Variants in PLCG2 observed in about 807,000 individuals in gnomAD.
PLCG2 encodes the protein 1-phosphatidylinositol 4,5-bisphosphate phosphodiesterase gamma-2.
A neutral mutation model predicts 175.6 loss-of-function variants in PLCG2; 69 were observed. The observed-to-expected ratio is 0.39, with a 90% confidence interval of 0.32 to 0.48. The LOEUF (loss-of-function observed/expected upper bound fraction) is 0.48. PLCG2 is among the 20% of genes least tolerant of loss of function. The probability of loss-of-function intolerance (pLI) is 0.91; values close to 1 mark genes in which losing one functional copy is unlikely to be tolerated. For synonymous variants in PLCG2, 827 were observed against 624.0 expected, an observed-to-expected ratio of 1.33 and a Z score of -4.85; for missense variants, 1,798 against 1,650.9, an observed-to-expected ratio of 1.09 and a Z score of -1.54.
In PLCG2 at chr16:81,959,682, C is replaced by T. The variant is rs78025342; in HGVS notation, c.*1684C>T. The T allele has an allele frequency of 5.4e-6, 1 of 185,590 alleles. No individual in the cohort carries two copies. The highest frequency in any genetic ancestry group is 2.3e-5 in the African/African-American group (1 of 42,666). The allele number at this position is 185,590 out of a possible 1,614,324, so 11.5% of individuals were successfully genotyped here. A position where few individuals can be genotyped will look rare whatever the true frequency, so the allele number is the denominator to read the frequency against. On this transcript the variant is annotated 3_prime_UTR_variant, in exon 33 of 33. Transcript: ENST00000564138. Reference sequence around the variant, plus strand: ...TCCTCTTAGTGGCAGATGTTCAAAGCAACTTTCAAGAAAGGCTAGGTGAGA... The same window carrying T: ...TCCTCTTAGTGGCAGATGTTCAAAGTAACTTTCAAGAAAGGCTAGGTGAGA...
At chr16:81,843,285 T>C (rs1168945618) in intron 2 of PLCG2, among the ~76,000 whole-genome samples, 1 of 152,204 alleles carries the variant, frequency 6.6e-6, no homozygotes, top group Non-Finnish European at 1.5e-5. Flanking sequence ...TAGTAGTGCC[T>C]GTTGTCAGCA....
At chr16:81,864,961 C>G (rs377459241) in intron 5 of PLCG2, among the ~76,000 whole-genome samples, 1 of 152,118 alleles carries the variant, frequency 6.6e-6, no homozygotes, top group East Asian at 1.9e-4. Flanking sequence ...TAACCCACAG[C>G]CCTAGGTTGA....
chr16:81,860,516 C>G lies in PLCG2; in HGVS notation c.479+1353C>G, dbSNP rs113403496. Among the ~76,000 whole-genome samples the G allele has an allele frequency of 1.3e-4, 20 of 152,222 alleles. 1 individual carries two copies. Among genetic ancestry groups the G allele is most frequent in the Admixed American group, 5.9e-4 (9 of 15,286 alleles). On this transcript the variant is annotated intron_variant, in intron 5 of 32. Coordinates refer to ENST00000564138, the MANE Select transcript of PLCG2 (RefSeq NM_002661.5). ...CCAGTGGGGCAAGAGGGCACCCTTTCCTGATGATTTATTGTGCCATTAGAC... is the reference window on the plus strand; with the variant it reads ...CCAGTGGGGCAAGAGGGCACCCTTTGCTGATGATTTATTGTGCCATTAGAC...
rs530326989 is a variant in PLCG2, at chr16:81,943,653, T to G, written c.3482-2522T>G. On this transcript the variant is annotated intron_variant, in intron 30 of 32. Coordinates refer to ENST00000564138, the MANE Select transcript of PLCG2 (RefSeq NM_002661.5). The stretch of plus-strand genomic sequence containing the variant: ...CAGACTTCCCAAGTCAGAATCTGCA[T>G]TTTAACAAGATTCACAGGTGATTCA... Among the ~76,000 whole-genome samples the G allele has an allele frequency of 1.9e-3, 297 of 152,320 alleles. 2 individuals carry two copies. The highest frequency in any genetic ancestry group is 3.2e-3 in the Non-Finnish European group (216 of 68,026).
chr16:81,805,767 G>GTTTTTTTTTTTTTT (rs766609754), intron 2 of PLCG2, among the ~76,000 whole-genome samples: 13 of 39,500 alleles, frequency 3.3e-4, no homozygotes, highest in African/African-American at 7.3e-4. Context: ...GTTTTGTTTT[G>GTTTTTTTTTTTTTT]TTTTTTTTTT....
At chr16:81,779,493 C>A (rs1163064670) in intron 1 of PLCG2, 69 bp downstream of exon 1, 1 of 151,876 alleles carries the variant, frequency 6.6e-6, no homozygotes, top group South Asian at 2.1e-4. Context: ...GGACCGGCTC[C>A]CAGGGCGCTG....
rs775933224 is a variant in PLCG2 at position 81,883,350 on chromosome 16, A to C, written c.765+9A>C. ...TCATACATGAACAGCAGGTGAGAGC[A>C]CAAGGTGTGTGGGTGCCTGAGGGAG... On this transcript the variant is annotated intron_variant, in intron 9 of 32. Transcript: ENST00000564138. The C allele has an allele frequency of 1.9e-6, 3 of 1,612,294 alleles. No homozygotes were observed. In the African/African-American group the frequency reaches 4.0e-5, roughly 22 times the overall value.
intron 2 of PLCG2, among the ~76,000 whole-genome samples, chr16:81,769,600 G>C (rs1910229052): frequency 6.6e-6 from 1 of 151,864 alleles, no homozygotes; most frequent in African/African-American, 2.4e-5. Context: ...GGATCACGAG[G>C]TCAGGAGATC....
intron 1 of PLCG2, among the ~76,000 whole-genome samples, chr16:81,744,104 C>T (rs189933733): frequency 4.2e-4 from 64 of 151,730 alleles, no homozygotes; most frequent in Non-Finnish European, 7.7e-4. Flanking sequence ...GTAATCCACC[C>T]GCCTCGGCCT....
At chr16:81,900,885 C>A in intron 14 of PLCG2, 105 bp downstream of exon 14, 1 of 992,190 alleles carries the variant, frequency 1.0e-6, no homozygotes, top group Non-Finnish European at 1.5e-6. Context: ...GGGCCTGCTC[C>A]AGGTCCCACT....
intron 9 of PLCG2, among the ~76,000 whole-genome samples, chr16:81,885,013 G>A (rs1167286353): frequency 6.6e-6 from 1 of 150,720 alleles, no homozygotes; most frequent in African/African-American, 2.4e-5. Context: ...TCAGCCTCCC[G>A]AATAGCTGGG....
At position 81,828,235 on chromosome 16, in the gene PLCG2, ATTTTTTTT is replaced by A. The variant is rs67992648; in HGVS notation, c.194-26188_194-26181del. ...CTGTTCCAGACTGTTGAGAAATGTC[ATTTTTTTT>A]TTTTTTTTTTTTTTTTTTTTGAGAC... On this transcript the variant is annotated intron_variant, in intron 2 of 32. Transcript: ENST00000564138. Among the ~76,000 whole-genome samples, 191 of 59,404 alleles carry A rather than the reference ATTTTTTTT, an allele frequency of 3.2e-3. 3 individuals are homozygous for A. In the East Asian group the frequency reaches 0.065, roughly 20 times the overall value. The allele number at this position is 59,404 out of a possible 152,430, so 39.0% of individuals were successfully genotyped here.
rs756421473 is a variant in PLCG2 at position 81,912,603 on chromosome 16, C to T, written c.1941C>T (p.Tyr647=). 1.2e-6 allele frequency: 2 copies of T among 1,613,026 alleles called. No homozygotes were observed. Among genetic ancestry groups the T allele is most frequent in the South Asian group, 2.2e-5 (2 of 90,626 alleles). The change falls in exon 19 of 33, where the codon TAC becomes TAT. Residue 647 remains tyrosine, a synonymous_variant. Coordinates refer to ENST00000564138, the MANE Select transcript of PLCG2 (RefSeq NM_002661.5). ...NPNPHESKPW[Y]YDSLSRGEAE... The stretch of plus-strand genomic sequence containing the variant: ...CCCTGGCCCTGTGCCGCAGGTGGTA[C>T]TATGACAGCCTGAGCCGCGGAGAGG...
intron 2 of PLCG2, among the ~76,000 whole-genome samples, chr16:81,756,831 C>A (rs1048792269): frequency 8.5e-5 from 13 of 152,188 alleles, no homozygotes; most frequent in African/African-American, 3.1e-4. Context: ...GCTGCCTTAT[C>A]CTGCTTCTTC....
intron 1 of PLCG2, among the ~76,000 whole-genome samples, chr16:81,780,932 C>T (rs1910700304): frequency 6.6e-6 from 1 of 152,174 alleles, no homozygotes; most frequent in South Asian, 2.1e-4. Context: ...GAGGCTGAGG[C>T]AGGAGAATCA....
intron 1 of PLCG2, among the ~76,000 whole-genome samples, chr16:81,741,229 T>G (rs1909587304): frequency 6.6e-6 from 1 of 152,208 alleles, no homozygotes; most frequent in Admixed American, 6.5e-5. Flanking sequence ...AAATACCTGC[T>G]GTGTGCCAGG....
Position 81,904,655 on chromosome 16 carries a change from T to G in PLCG2, c.1363-748T>G, listed in dbSNP as rs113898194. On this transcript the variant is annotated intron_variant, in intron 14 of 32. Coordinates refer to ENST00000564138, the MANE Select transcript of PLCG2 (RefSeq NM_002661.5). ...TAGAGAAGGCTGGGCACAGGTGGTGTTGTTGTTTATTCACCGAGTATCAAC... is the reference window on the plus strand; with the variant it reads ...TAGAGAAGGCTGGGCACAGGTGGTGGTGTTGTTTATTCACCGAGTATCAAC... Among the ~76,000 whole-genome samples the G allele has an allele frequency of 4.7e-3, 719 of 152,218 alleles. 6 individuals carry two copies. Among genetic ancestry groups the G allele is most frequent in the African/African-American group, 0.015 (628 of 41,484 alleles).
chr16:81,876,938 T>C (rs1907819999), intron 7 of PLCG2, among the ~76,000 whole-genome samples: 1 of 152,206 alleles, frequency 6.6e-6, no homozygotes, highest in Non-Finnish European at 1.5e-5. Context: ...ATGCTAGAGA[T>C]TTACCAAGGT....
intron 2 of PLCG2, among the ~76,000 whole-genome samples, chr16:81,769,904 C>A (rs992791567): frequency 1.3e-5 from 2 of 151,688 alleles, no homozygotes; most frequent in Admixed American, 6.6e-5. Context: ...TCACACCTGC[C>A]GGTCGCTTAA....
Sources: gnomAD v4.1 joint callset for allele counts (sites outside exome capture counted in the v4.1 genomes callset) on GRCh38, gnomAD v4.1.1 for gene constraint, MANE v1.5 for transcripts, NCBI Gene and HGNC (gene_info 2026-07-23, HGNC 2026-07-21) for gene names.